WDR26: variants seen among roughly 807,000 people sequenced by gnomAD.
WDR26 encodes the protein WD repeat domain 26.
Under a neutral mutation model 84.1 loss-of-function variants are expected in WDR26, and 5 were observed. The observed-to-expected ratio is 0.06, with a 90% CI of 0.03 to 0.13. WDR26 has a LOEUF of 0.13. WDR26 is among the 10% of genes least tolerant of loss of function. WDR26 has a pLI of 1.00. For missense variants in WDR26, 642 were observed against 974.9 expected (o/e 0.66, Z 4.55); for synonymous variants, 415 against 389.6 (o/e 1.07, Z -0.77).
At chr1:224,412,292 A>G (rs898752094) in intron 6 of WDR26, among the ~76,000 whole-genome samples, 1 of 152,240 alleles carries the variant, frequency 6.6e-6, no homozygotes, top group Non-Finnish European at 1.5e-5. Flanking sequence ...AGTAGTTAAG[A>G]GCAAAGCCTT....
chr1:224,395,867 T>G (rs1180825783), intron 12 of WDR26, among the ~76,000 whole-genome samples: 2 of 152,196 alleles, frequency 1.3e-5, no homozygotes, highest in African/African-American at 4.8e-5. Context: ...AATCTATTGT[T>G]TATGCAAAGG....
intron 12 of WDR26, among the ~76,000 whole-genome samples, chr1:224,394,555 A>T (rs548975500): frequency 3.5e-4 from 53 of 150,194 alleles, no homozygotes; most frequent in South Asian, 8.4e-4. Flanking sequence ...CCCAGGCTGG[A>T]GCGCAGTGGC....
At position 224,398,229 on chromosome 1, in the gene WDR26, G is replaced by A. The variant is rs1439639510; in HGVS notation, c.1945-3C>T. The A allele has an allele frequency of 2.5e-6, 4 of 1,610,782 alleles. No homozygotes were observed. The South Asian group carries it at 4.4e-5, about 18-fold the overall frequency. On this transcript the variant is annotated splice_region_variant and splice_polypyrimidine_tract_variant and intron_variant, in intron 11 of 13. Transcript: ENST00000414423. Reference sequence around the variant, plus strand: ...TGCAAGTCCCATAAATGAACTCCCTGCAGGCAAAGGAGAATACAGATATTT... The same window carrying A: ...TGCAAGTCCCATAAATGAACTCCCTACAGGCAAAGGAGAATACAGATATTT...
rs888710677 is a variant in WDR26 at position 224,385,871 on chromosome 1, A to C, written c.*3964T>G. 1 of 152,446 alleles carries C rather than the reference A, an allele frequency of 6.6e-6. No individual in the cohort carries two copies. Among genetic ancestry groups the C allele is most frequent in the Non-Finnish European group, 1.5e-5 (1 of 68,022 alleles). The allele number at this position is 152,446 out of a possible 1,614,324, so 9.4% of individuals were successfully genotyped here. On this transcript the variant is annotated 3_prime_UTR_variant, in exon 14 of 14. Coordinates refer to ENST00000414423, the MANE Select transcript of WDR26 (RefSeq NM_001379403.1). ...AGTATTAACCAAACCTTAAACTCAG[A>C]GGGCACTTCACATGTGCACGAGACT...
At position 224,389,790 on chromosome 1, in the gene WDR26, G is replaced by A. The variant is rs1487832288; in HGVS notation, c.*45C>T. 5.1e-6 allele frequency: 8 copies of A among 1,557,724 alleles called. No individual in the cohort carries two copies. In the Admixed American group the frequency reaches 5.3e-5, roughly 10 times the overall value. On this transcript the variant is annotated 3_prime_UTR_variant, in exon 14 of 14. Transcript: ENST00000414423. ...ACCAAATCCCAAGCCATTAAAATAC[G>A]ACTAATTTTAAGTTAAACAGAAGTC...
At chr1:224,401,189 T>C in intron 8 of WDR26, 120 bp from the exon 9 acceptor site, 1 of 923,976 alleles carries the variant, frequency 1.1e-6, no homozygotes, top group Non-Finnish European at 1.6e-6. Context: ...AGTAGAGTAA[T>C]GAATTAAGTG....
chr1:224,426,776 A>G (rs937563632), intron 3 of WDR26, among the ~76,000 whole-genome samples: 1 of 151,974 alleles, frequency 6.6e-6, no homozygotes, highest in African/African-American at 2.4e-5. Context: ...AAGACCTCAT[A>G]TATTTTCATT....
rs1390027083 is a variant in WDR26, at chr1:224,433,784, G to T, written c.622C>A (p.Pro208Thr). The T allele has an allele frequency of 1.3e-6, 2 of 1,536,846 alleles. No homozygotes were observed. Among genetic ancestry groups the T allele is most frequent in the African/African-American group, 2.7e-5 (2 of 73,044 alleles). ...TTCTTGAGGCTGCTGCCCAGTTCTG[G>T]GGTGGCCAAGGAAGAGGAGGCGGCG... Residue 208 changes from proline to threonine, a missense_variant, in exon 1 of 14, where the codon CCA (proline) becomes ACA (threonine). Coordinates refer to ENST00000414423, the MANE Select transcript of WDR26 (RefSeq NM_001379403.1).
At chr1:224,396,866 A>T (rs1365152665) in intron 12 of WDR26, among the ~76,000 whole-genome samples, 2 of 150,412 alleles carry the variant, frequency 1.3e-5, no homozygotes, top group African/African-American at 4.9e-5. Context: ...TGGAGGTTGC[A>T]TCAAGATCGT....
rs560666176 is a variant in WDR26 at position 224,425,047 on chromosome 1, G to A, written c.928-393C>T. On this transcript the variant is annotated intron_variant, in intron 3 of 13. Transcript: ENST00000414423. The stretch of plus-strand genomic sequence containing the variant: ...AGTATGACTTTATAACTAGGGCACT[G>A]GGGGGTTTTATGCAACAAGTTTTGA... Among the ~76,000 whole-genome samples, 43 of 152,152 alleles carry A rather than the reference G, an allele frequency of 2.8e-4. 1 individual carries two copies. Among genetic ancestry groups the A allele is most frequent in the Middle Eastern group, 3.2e-3 (1 of 316 alleles).
At chr1:224,423,540 G>A (rs1392917706) in intron 4 of WDR26, among the ~76,000 whole-genome samples, 1 of 152,160 alleles carries the variant, frequency 6.6e-6, no homozygotes, top group Non-Finnish European at 1.5e-5. Context: ...AAGGTTAGGA[G>A]GAGTTCAAGG....
In WDR26 at chr1:224,407,151, A is replaced by AAAAAAAAAAAGAATATATATATAT; in HGVS notation, c.1459-2582_1459-2581insATATATATATATTCTTTTTTTTTT. Among the ~76,000 whole-genome samples, 2 of 11,868 alleles carry AAAAAAAAAAAGAATATATATATAT rather than the reference A, an allele frequency of 1.7e-4. 1 individual carries two copies. The highest frequency in any genetic ancestry group is 2.8e-4 in the Non-Finnish European group (2 of 7,118). 7.8% of individuals were successfully genotyped at this position (11,868 alleles called of 152,430 possible). A position where few individuals can be genotyped will look rare whatever the true frequency, so the allele number is the denominator to read the frequency against. ...AAAAAAAAAAAAAAAAAAAAAAAAA[A>AAAAAAAAAAAGAATATATATATAT]ATATATATATATATATATATAACTC... On this transcript the variant is annotated intron_variant, in intron 7 of 13. Transcript: ENST00000414423.
intron 6 of WDR26, among the ~76,000 whole-genome samples, chr1:224,417,639 A>G (rs1392334703): frequency 6.6e-6 from 1 of 152,222 alleles, no homozygotes; most frequent in East Asian, 1.9e-4. Context: ...CTAAGGCTAT[A>G]TAGTAGCCTA....
rs1456448251 is a variant in WDR26, at chr1:224,389,057, T to C, written c.*778A>G. Reference sequence around the variant, plus strand: ...TGGTATTCCAGAAGAGCATCAGTTATACTGTGTATCTAAGTCATTGAGGAA... The same window carrying C: ...TGGTATTCCAGAAGAGCATCAGTTACACTGTGTATCTAAGTCATTGAGGAA... On this transcript the variant is annotated 3_prime_UTR_variant, in exon 14 of 14. Coordinates refer to ENST00000414423, the MANE Select transcript of WDR26 (RefSeq NM_001379403.1). 2.0e-5 allele frequency: 3 copies of C among 152,670 alleles called. No individual in the cohort carries two copies. Among genetic ancestry groups the C allele is most frequent in the Non-Finnish European group, 4.4e-5 (3 of 68,048 alleles). 9.5% of individuals were successfully genotyped at this position (152,670 alleles called of 1,614,324 possible). A position where few individuals can be genotyped will look rare whatever the true frequency, so the allele number is the denominator to read the frequency against.
At position 224,389,621 on chromosome 1, in the gene WDR26, T is replaced by C; in HGVS notation, c.*214A>G. The C allele has an allele frequency of 1.7e-6, 1 of 605,698 alleles. No individual in the cohort carries two copies. The highest frequency in any genetic ancestry group is 2.0e-5 in the South Asian group (1 of 50,808). 37.5% of individuals were successfully genotyped at this position (605,698 alleles called of 1,614,324 possible). A position where few individuals can be genotyped will look rare whatever the true frequency, so the allele number is the denominator to read the frequency against. On this transcript the variant is annotated 3_prime_UTR_variant, in exon 14 of 14. Coordinates refer to ENST00000414423, the MANE Select transcript of WDR26 (RefSeq NM_001379403.1). ...CCGATGGGGGAATAATTCAACATGGTGTCCAACAACGTTCTAACGACGTGC... is the reference window on the plus strand; with the variant it reads ...CCGATGGGGGAATAATTCAACATGGCGTCCAACAACGTTCTAACGACGTGC...
At chr1:224,399,298 AAC>A in intron 9 of WDR26, among the ~76,000 whole-genome samples, 1 of 152,198 alleles carries the variant, frequency 6.6e-6, no homozygotes, top group South Asian at 2.1e-4. Context: ...ATGCATAAAT[AAC>A]ACAAAGAAAG....
chr1:224,404,602 C>G (rs1321215035), intron 7 of WDR26, 32 bp from the exon 8 acceptor site: 2 of 1,585,154 alleles, frequency 1.3e-6, no homozygotes, highest in Non-Finnish European at 1.7e-6. Flanking sequence ...TCAGTTAACC[C>G]CTATCACTAA....
At chr1:224,418,105 A>G (rs1453809457) in intron 6 of WDR26, among the ~76,000 whole-genome samples, 155 bp downstream of exon 6, 1 of 152,252 alleles carries the variant, frequency 6.6e-6, no homozygotes, top group Admixed American at 6.5e-5. Context: ...GAAATTTCTC[A>G]TAATTTTCAA....
intron 2 of WDR26, 31 bp from the exon 3 acceptor site, chr1:224,431,612 A>T: frequency 6.2e-7 from 1 of 1,611,316 alleles, no homozygotes; most frequent in East Asian, 2.2e-5. Flanking sequence ...GAAAAACAGA[A>T]ATGTCACAAA....
Sources: allele counts gnomAD v4.1 joint callset (sites outside exome capture counted in the v4.1 genomes callset), GRCh38; gene constraint gnomAD v4.1.1; transcripts MANE v1.5; gene names NCBI Gene and HGNC (gene_info 2026-07-23, HGNC 2026-07-21).